Variants in ROCK1 observed in about 807,000 individuals in gnomAD.
ROCK1 encodes the protein Rho associated coiled-coil containing protein kinase 1, also known as rho-associated protein kinase 1.
In ROCK1, 36 loss-of-function variants were observed where a neutral mutation model predicts 196.8. The observed-to-expected ratio is 0.18, with a 90% CI of 0.14 to 0.24. ROCK1 has a LOEUF of 0.24. Among genes scored for constraint, ROCK1 ranks in the 10% least tolerant of loss-of-function variants. The pLI is 1.00. For synonymous variants in ROCK1, 443 were observed against 515.9 expected, an observed-to-expected ratio of 0.86 and a Z score of 1.91; for missense variants, 920 against 1,562.0, an observed-to-expected ratio of 0.59 and a Z score of 6.93.
chr18:21,059,512 A>C (rs1415762587), intron 2 of ROCK1, among the ~76,000 whole-genome samples: 1 of 152,228 alleles, frequency 6.6e-6, no homozygotes, highest in Non-Finnish European at 1.5e-5. Context: ...AAAACACTTA[A>C]TGACATTATA....
intron 2 of ROCK1, among the ~76,000 whole-genome samples, chr18:21,053,233 G>A (rs2036218620): frequency 6.6e-6 from 1 of 151,798 alleles, no homozygotes; most frequent in Non-Finnish European, 1.5e-5. Context: ...TTCTCTGCTA[G>A]GCTAGTGAAT....
intron 2 of ROCK1, among the ~76,000 whole-genome samples, chr18:21,069,944 CAA>C (rs2036369747): frequency 6.6e-6 from 1 of 151,554 alleles, no homozygotes; most frequent in Non-Finnish European, 1.5e-5. Flanking sequence ...TTTAAAAAAT[CAA>C]AAAGATATGA....
intron 2 of ROCK1, among the ~76,000 whole-genome samples, chr18:21,059,423 G>T (rs1415177610): frequency 1.3e-5 from 2 of 152,072 alleles, no homozygotes; most frequent in Admixed American, 6.6e-5. Context: ...CTATAGGTCT[G>T]TTTCTTCTAT....
At chr18:20,953,857 T>C (rs527861577) in intron 31 of ROCK1, 72 bp from the exon 32 acceptor site, 24 of 644,740 alleles carry the variant, frequency 3.7e-5, no homozygotes, top group South Asian at 3.5e-4. Flanking sequence ...ATCAAATGCA[T>C]AGTTTTTCAA....
chr18:21,103,723 A>G (rs1273408818), intron 1 of ROCK1, among the ~76,000 whole-genome samples: 2 of 152,100 alleles, frequency 1.3e-5, no homozygotes, highest in East Asian at 3.9e-4. Flanking sequence ...GGGATTACAG[A>G]CCACCATGCC....
chr18:21,047,934 G>A (rs2036175012), intron 4 of ROCK1, among the ~76,000 whole-genome samples: 1 of 152,020 alleles, frequency 6.6e-6, no homozygotes, highest in African/African-American at 2.4e-5. Flanking sequence ...TAGAAAATTA[G>A]AAATGGTCTA....
At chr18:21,073,666 AT>A (rs1476150764) in intron 1 of ROCK1, among the ~76,000 whole-genome samples, 1 of 152,176 alleles carries the variant, frequency 6.6e-6, no homozygotes, top group African/African-American at 2.4e-5. Flanking sequence ...TAACAGACAT[AT>A]TTTTGGAGAA....
chr18:20,991,631 TTTC>T (rs1374749366), intron 17 of ROCK1, among the ~76,000 whole-genome samples: 1 of 152,072 alleles, frequency 6.6e-6, no homozygotes, highest in Non-Finnish European at 1.5e-5. Context: ...CATCTTTTTT[TTTC>T]TTTTCTTTTT....
intron 1 of ROCK1, among the ~76,000 whole-genome samples, chr18:21,102,736 C>G (rs1326947085): frequency 6.6e-6 from 1 of 152,000 alleles, no homozygotes; most frequent in Non-Finnish European, 1.5e-5. Flanking sequence ...CATGGTGGCG[C>G]TTGCCTGTAG....
chr18:21,089,355 C>T (rs1238803624), intron 1 of ROCK1, among the ~76,000 whole-genome samples: 3 of 152,090 alleles, frequency 2.0e-5, no homozygotes, highest in East Asian at 1.9e-4. Flanking sequence ...CCACCGCAGC[C>T]GGCCTAAAAC....
At chr18:21,099,634 G>A (rs1448768335) in intron 1 of ROCK1, among the ~76,000 whole-genome samples, 1 of 152,078 alleles carries the variant, frequency 6.6e-6, no homozygotes, top group East Asian at 1.9e-4. Context: ...AGTCCCAGCC[G>A]CTCAGGAAAC....
At chr18:20,956,187 AAGAG>A (rs753075215) in intron 29 of ROCK1, among the ~76,000 whole-genome samples, 6 of 152,148 alleles carry the variant, frequency 3.9e-5, no homozygotes, top group East Asian at 1.9e-4. Context: ...GTGAAAGAGA[AAGAG>A]AGAGAAAGAG....
At chr18:21,043,954 T>C in intron 6 of ROCK1, 148 bp downstream of exon 6, 1 of 563,598 alleles carries the variant, frequency 1.8e-6, no homozygotes, top group Non-Finnish European at 3.1e-6. Flanking sequence ...TGGTATCTAG[T>C]TCAACAAATA....
At position 21,079,963 on chromosome 18, in the gene ROCK1, C is replaced by T. The variant is rs530114892; in HGVS notation, c.94-9350G>A. On this transcript the variant is annotated intron_variant, in intron 1 of 32. Transcript: ENST00000399799. Reference sequence around the variant, plus strand: ...CAAAGTTTTAGGGTCGAAGGAGTCCCAGTGCTTTAAAATACACTCCAGGGG... The same window carrying T: ...CAAAGTTTTAGGGTCGAAGGAGTCCTAGTGCTTTAAAATACACTCCAGGGG... Among the ~76,000 whole-genome samples the T allele has an allele frequency of 3.9e-5, 6 of 152,270 alleles. No homozygotes were observed. In the South Asian group the frequency reaches 1.2e-3, roughly 32 times the overall value.
chr18:20,959,057 T>TATTTTATATTATATAATATA (rs1491573135), intron 29 of ROCK1, among the ~76,000 whole-genome samples: 1 of 46,920 alleles, frequency 2.1e-5, no homozygotes, highest in African/African-American at 1.6e-4. Flanking sequence ...AATATATATA[T>TATTTTATATTATATAATATA]TATATTTTAT....
At chr18:21,103,464 AT>A (rs879261332) in intron 1 of ROCK1, among the ~76,000 whole-genome samples, 1,647 of 146,688 alleles carry the variant, frequency 0.011, 29 homozygotes, top group African/African-American at 0.036. Context: ...TTATTTTATT[AT>A]TTTTTTTTTT....
chr18:20,979,463 A>G (rs1263253152), intron 22 of ROCK1, among the ~76,000 whole-genome samples: 2 of 152,044 alleles, frequency 1.3e-5, no homozygotes, highest in African/African-American at 4.8e-5. Context: ...CTCTACTAAA[A>G]ATACAAAAAT....
rs2035825693 is a variant in ROCK1 at position 21,012,248 on chromosome 18, G to T, written c.1410+3183C>A. Among the ~76,000 whole-genome samples, 3 of 152,254 alleles carry T rather than the reference G, an allele frequency of 2.0e-5. No individual in the cohort carries two copies. In the South Asian group the frequency reaches 6.2e-4, roughly 32 times the overall value. On this transcript the variant is annotated intron_variant, in intron 13 of 32. Transcript: ENST00000399799. ...TTACAGGTGTGAACCACCCTACCTG[G>T]CCAAGATTCCTTCTTTTATCATTTC...
At chr18:21,062,157 A>C (rs2036297114) in intron 2 of ROCK1, among the ~76,000 whole-genome samples, 3 of 152,184 alleles carry the variant, frequency 2.0e-5, no homozygotes, top group Admixed American at 2.0e-4. Context: ...TTGGTTTCTA[A>C]ATATCATTCT....
Sources: allele counts gnomAD v4.1 joint callset (sites outside exome capture counted in the v4.1 genomes callset), GRCh38; gene constraint gnomAD v4.1.1; transcripts MANE v1.5; gene names NCBI Gene and HGNC (gene_info 2026-07-23, HGNC 2026-07-21).